KCTD16: variants seen among roughly 807,000 people sequenced by gnomAD.
KCTD16 encodes BTB/POZ domain-containing protein KCTD16.
A neutral mutation model predicts 33.2 loss-of-function variants in KCTD16; 13 were observed. That is an observed-to-expected ratio of 0.39 (90% CI 0.25 to 0.62). The LOEUF (loss-of-function observed/expected upper bound fraction) is 0.62, where lower values mean the gene tolerates loss of function less well. Ranked by LOEUF, KCTD16 falls within the 20% of genes least tolerant of loss-of-function variation. The probability of loss-of-function intolerance (pLI) is 0.50; values close to 1 mark genes in which losing one functional copy is unlikely to be tolerated. For missense variants in KCTD16, 441 were observed against 525.1 expected (o/e 0.84, Z 1.57); for synonymous variants, 197 against 195.3 (o/e 1.01, Z -0.07).
rs1422962 is a variant in KCTD16 at position 144,468,983 on chromosome 5, A to G, written c.833-4677A>G. On this transcript the variant is annotated intron_variant, in intron 3 of 3. Coordinates refer to ENST00000512467, the MANE Select transcript of KCTD16 (RefSeq NM_020768.4). ...TTTATCAGTAAGAACTGCCACAGTGAGGTCTATAGTGGAAGGGGGCCAAGT... is the reference window on the plus strand; with the variant it reads ...TTTATCAGTAAGAACTGCCACAGTGGGGTCTATAGTGGAAGGGGGCCAAGT... 9.0e-3 allele frequency among the ~76,000 whole-genome samples: 1,374 copies of G among 152,254 alleles called. 17 individuals are homozygous for G. Among genetic ancestry groups the G allele is most frequent in the African/African-American group, 0.031 (1,307 of 41,544 alleles).
intron 3 of KCTD16, among the ~76,000 whole-genome samples, chr5:144,438,724 TA>T (rs1455370450): frequency 6.6e-6 from 1 of 152,206 alleles, no homozygotes; most frequent in Non-Finnish European, 1.5e-5. Context: ...AATGGGTTGC[TA>T]AGGAAAGTAT....
intron 3 of KCTD16, among the ~76,000 whole-genome samples, chr5:144,376,993 G>A (rs922502354): frequency 6.6e-6 from 1 of 152,144 alleles, no homozygotes; most frequent in Non-Finnish European, 1.5e-5. Context: ...TTGCAGGCTT[G>A]GGTGTACATA....
chr5:144,190,047 G>C (rs1212990945), intron 2 of KCTD16, among the ~76,000 whole-genome samples: 2 of 152,148 alleles, frequency 1.3e-5, no homozygotes, highest in Non-Finnish European at 1.5e-5. Context: ...AATTACATAA[G>C]CACAAATGAA....
intron 3 of KCTD16, among the ~76,000 whole-genome samples, chr5:144,427,978 G>A (rs180880743): frequency 2.0e-5 from 3 of 152,004 alleles, no homozygotes; most frequent in Admixed American, 2.0e-4. Flanking sequence ...TATTGAAATA[G>A]CTTAGCACAG....
At chr5:144,402,859 C>T (rs562636255) in intron 3 of KCTD16, among the ~76,000 whole-genome samples, 112 of 152,312 alleles carry the variant, frequency 7.4e-4, no homozygotes, top group Non-Finnish European at 1.2e-3. Flanking sequence ...TAGTGGCCTA[C>T]AGTCCACAAA....
intron 3 of KCTD16, among the ~76,000 whole-genome samples, chr5:144,353,795 C>T (rs892895960): frequency 2.0e-5 from 3 of 152,070 alleles, no homozygotes; most frequent in Admixed American, 2.0e-4. Context: ...TAGGTAGATA[C>T]ACATTCCTGA....
intron 3 of KCTD16, among the ~76,000 whole-genome samples, chr5:144,285,962 CTTTT>C (rs34103216): frequency 5.1e-5 from 6 of 117,502 alleles, no homozygotes; most frequent in Admixed American, 2.6e-4. Context: ...CCATCCTAAT[CTTTT>C]TTTTTTTTTT....
At chr5:144,438,192 A>G (rs1389008541) in intron 3 of KCTD16, among the ~76,000 whole-genome samples, 2 of 152,238 alleles carry the variant, frequency 1.3e-5, no homozygotes, top group Non-Finnish European at 2.9e-5. Context: ...ATTAGCCAGC[A>G]CTAGAGCATT....
chr5:144,312,623 G>C (rs773604053), intron 3 of KCTD16, among the ~76,000 whole-genome samples: 2 of 152,162 alleles, frequency 1.3e-5, no homozygotes, highest in Non-Finnish European at 2.9e-5. Flanking sequence ...TTTAGAATGA[G>C]CACATAAAAA....
chr5:144,314,245 C>T (rs1751846761), intron 3 of KCTD16, among the ~76,000 whole-genome samples: 1 of 151,998 alleles, frequency 6.6e-6, no homozygotes, highest in Non-Finnish European at 1.5e-5. Flanking sequence ...AATGGAAGTA[C>T]ATTGTTCTTT....
At chr5:144,176,276 G>A (rs532153356) in intron 2 of KCTD16, among the ~76,000 whole-genome samples, 2 of 151,432 alleles carry the variant, frequency 1.3e-5, no homozygotes, top group East Asian at 3.9e-4. Context: ...AGGAGACAGA[G>A]CATAAGATGA....
chr5:144,325,229 T>C (rs2126887245), intron 3 of KCTD16, among the ~76,000 whole-genome samples: 1 of 152,266 alleles, frequency 6.6e-6, no homozygotes, highest in East Asian at 1.9e-4. Context: ...CACAAATCTT[T>C]TCACCACCTG....
chr5:144,212,830 T>A lies in KCTD16; in HGVS notation c.832+5284T>A, dbSNP rs190846989. The stretch of plus-strand genomic sequence containing the variant: ...TTTGAAATGTATCCAAATGTAGAGA[T>A]AATGGCATAATGAACTTTCATGTAA... On this transcript the variant is annotated intron_variant, in intron 3 of 3. Coordinates refer to ENST00000512467, the MANE Select transcript of KCTD16 (RefSeq NM_020768.4). 4.6e-5 allele frequency among the ~76,000 whole-genome samples: 7 copies of A among 152,312 alleles called. No individual in the cohort carries two copies. The East Asian group carries it at 1.4e-3, about 29-fold the overall frequency.
chr5:144,339,667 T>A (rs2126897685), intron 3 of KCTD16, among the ~76,000 whole-genome samples: 1 of 152,328 alleles, frequency 6.6e-6, no homozygotes, highest in South Asian at 2.1e-4. Context: ...CAGGATATTT[T>A]AGCTGAAATT....
intron 3 of KCTD16, among the ~76,000 whole-genome samples, chr5:144,297,025 T>C (rs945819464): frequency 3.3e-5 from 5 of 152,240 alleles, no homozygotes; most frequent in East Asian, 1.9e-4. Flanking sequence ...CTGTAACTTA[T>C]ATGGTTTCAG....
At chr5:144,176,684 G>A (rs1752515869) in intron 2 of KCTD16, among the ~76,000 whole-genome samples, 1 of 151,554 alleles carries the variant, frequency 6.6e-6, no homozygotes, top group Non-Finnish European at 1.5e-5. Flanking sequence ...TTACAGGCGT[G>A]AGCCACCGCG....
At chr5:144,230,335 T>A (rs1754064892) in intron 3 of KCTD16, among the ~76,000 whole-genome samples, 1 of 152,110 alleles carries the variant, frequency 6.6e-6, no homozygotes. Context: ...CTTATAAAAA[T>A]GGGTAGGTAA....
At chr5:144,235,091 C>CA (rs1754212124) in intron 3 of KCTD16, among the ~76,000 whole-genome samples, 1 of 152,132 alleles carries the variant, frequency 6.6e-6, no homozygotes, top group Non-Finnish European at 1.5e-5. Flanking sequence ...AATGAAAATA[C>CA]ACAAACACAC....
chr5:144,253,314 C>G (rs1184682188), intron 3 of KCTD16, among the ~76,000 whole-genome samples: 1 of 152,076 alleles, frequency 6.6e-6, no homozygotes, highest in Middle Eastern at 3.2e-3. Context: ...ATCTGGGCTT[C>G]CATAAAATAT....
Sources: gnomAD v4.1 joint callset for allele counts (sites outside exome capture counted in the v4.1 genomes callset) on GRCh38, gnomAD v4.1.1 for gene constraint, MANE v1.5 for transcripts, NCBI Gene and HGNC (gene_info 2026-07-23, HGNC 2026-07-21) for gene names.